Variants in PCDHGB3 observed in about 807,000 individuals in gnomAD.
PCDHGB3 encodes protocadherin gamma subfamily B, 3.
A neutral mutation model predicts 59.2 loss-of-function variants in PCDHGB3; 40 were observed. The ratio of observed to expected loss-of-function variants is 0.68; its 90% confidence interval spans 0.52 to 0.88. The LOEUF is 0.88. Ranked by LOEUF, PCDHGB3 falls within the 40% of genes least tolerant of loss-of-function variation. The pLI, the probability that PCDHGB3 is intolerant of heterozygous loss-of-function variation, is 0.00. For synonymous variants in PCDHGB3, 581 were observed against 503.6 expected (o/e 1.15, Z -2.06); for missense variants, 1,309 against 1,187.9 (o/e 1.10, Z -1.50).
chr5:141,373,270 G>A (rs1444168164), intron 1 of PCDHGB3, among the ~76,000 whole-genome samples: 3 of 152,194 alleles, frequency 2.0e-5, no homozygotes, highest in Non-Finnish European at 4.4e-5. Context: ...AGTATACACA[G>A]ATGTTGCCTA....
Position 141,375,597 on chromosome 5 carries a change from T to A in PCDHGB3, c.2415+2788T>A, listed in dbSNP as rs752006849. ...CAGGGGGCGCCCCTGTCCTCCTACG[T>A]GTCCATCAACTCCGACACTGGGATT... On this transcript the variant is annotated intron_variant, in intron 1 of 3. Transcript: ENST00000576222. The A allele has an allele frequency of 1.4e-5, 22 of 1,614,042 alleles. No homozygotes were observed. In the Middle Eastern group the frequency reaches 4.9e-4, roughly 36 times the overall value.
At chr5:141,390,146 T>C (rs2092063198) in intron 1 of PCDHGB3, 1 of 1,614,026 alleles carries the variant, frequency 6.2e-7, no homozygotes, top group Non-Finnish European at 8.5e-7. Context: ...ATCTATGTGT[T>C]GCACATACAG....
chr5:141,374,178 G>C (rs1268452204), intron 1 of PCDHGB3: 2 of 1,613,614 alleles, frequency 1.2e-6, no homozygotes, highest in East Asian at 2.2e-5. Flanking sequence ...GCGCAGATCC[G>C]CTACTCTATT....
rs371995922 is a variant in PCDHGB3 at position 141,395,132 on chromosome 5, C to T, written c.2415+22323C>T. ...AGAGTCACCTGATCTTTCCCCAGCC[C>T]AACTACGCAGACATGCTCATCAGTC... On this transcript the variant is annotated intron_variant, in intron 1 of 3. Transcript: ENST00000576222. 8.7e-6 allele frequency: 14 copies of T among 1,614,068 alleles called. No homozygotes were observed. The African/African-American group carries it at 1.6e-4, about 18-fold the overall frequency.
chr5:141,429,861 A>G (rs1483953460), intron 1 of PCDHGB3, among the ~76,000 whole-genome samples: 1 of 152,226 alleles, frequency 6.6e-6, no homozygotes, highest in Non-Finnish European at 1.5e-5. Flanking sequence ...TCTTTGGACT[A>G]CCAATTTTCT....
intron 1 of PCDHGB3, among the ~76,000 whole-genome samples, chr5:141,458,368 A>C (rs934670055): frequency 3.9e-5 from 6 of 152,112 alleles, no homozygotes; most frequent in Admixed American, 3.9e-4. Flanking sequence ...GAAGGAAGGG[A>C]GAAGAGAGAA....
intron 1 of PCDHGB3, among the ~76,000 whole-genome samples, chr5:141,455,393 C>G (rs574741955): frequency 6.4e-4 from 97 of 152,150 alleles, no homozygotes; most frequent in African/African-American, 2.2e-3. Flanking sequence ...GAAGGAGCTC[C>G]CCCTTACAGA....
At chr5:141,375,348 T>A in intron 1 of PCDHGB3, 1 of 1,613,870 alleles carries the variant, frequency 6.2e-7, no homozygotes, top group Non-Finnish European at 8.5e-7. Flanking sequence ...AACATCACTG[T>A]GACAGCCACG....
chr5:141,385,276 A>G (rs1315773619), intron 1 of PCDHGB3: 1 of 1,613,564 alleles, frequency 6.2e-7, no homozygotes, highest in Admixed American at 1.7e-5. Flanking sequence ...TTCTTTGCTA[A>G]CATCCGTAGA....
chr5:141,440,671 T>C (rs2098194169), intron 1 of PCDHGB3: 1 of 152,210 alleles, frequency 6.6e-6, no homozygotes, highest in African/African-American at 2.4e-5. Context: ...CAACTCTATA[T>C]TTCTCTTTGA....
At chr5:141,383,700 C>T (rs753632881) in intron 1 of PCDHGB3, 1 of 1,613,936 alleles carries the variant, frequency 6.2e-7, no homozygotes, top group East Asian at 2.2e-5. Flanking sequence ...TACATGCTAT[C>T]GACCTGGACG....
At chr5:141,392,809 C>T in intron 1 of PCDHGB3, 1 of 1,578,772 alleles carries the variant, frequency 6.3e-7, no homozygotes, top group African/African-American at 1.4e-5. Flanking sequence ...TGCAGCAAAA[C>T]AACAATGGCC....
chr5:141,404,736 A>G, intron 1 of PCDHGB3: 1 of 1,613,622 alleles, frequency 6.2e-7, no homozygotes, highest in Non-Finnish European at 8.5e-7. Context: ...GTGGCAGTGG[A>G]CAGAGACTCA....
At chr5:141,484,102 A>T (rs1404220648) in intron 1 of PCDHGB3, among the ~76,000 whole-genome samples, 1 of 152,206 alleles carries the variant, frequency 6.6e-6, no homozygotes, top group African/African-American at 2.4e-5. Flanking sequence ...GTTGGTAATT[A>T]ACAAAAGATC....
intron 1 of PCDHGB3, chr5:141,376,053 C>A (rs1453617614): frequency 6.2e-7 from 1 of 1,613,372 alleles, no homozygotes; most frequent in African/African-American, 1.3e-5. Flanking sequence ...CTCTCCGCCA[C>A]TGTCACGCTC....
At chr5:141,423,510 TGCGGACTC>T in intron 1 of PCDHGB3, 1 of 1,613,792 alleles carries the variant, frequency 6.2e-7, no homozygotes, top group South Asian at 1.1e-5. Context: ...TCTCTCTCAT[TGCGGACTC>T]GCAGAAGAGT....
At position 141,422,030 on chromosome 5, in the gene PCDHGB3, C is replaced by T. The variant is rs1404612424; in HGVS notation, c.2415+49221C>T. ...ACTCGGGTGCTGATGGTTAATGCAA[C>T]GGATCCAGACGAGGGAATCAACGGG... On this transcript the variant is annotated intron_variant, in intron 1 of 3. Coordinates refer to ENST00000576222, the MANE Select transcript of PCDHGB3 (RefSeq NM_018924.5). 3 of 1,609,592 alleles carry T rather than the reference C, an allele frequency of 1.9e-6. No homozygotes were observed. The South Asian group carries it at 3.3e-5, about 18-fold the overall frequency.
chr5:141,416,990 A>C (rs912916110), intron 1 of PCDHGB3: 20 of 151,946 alleles, frequency 1.3e-4, no homozygotes, highest in African/African-American at 4.1e-4. Flanking sequence ...ATTATTGTGC[A>C]TTCATCTCAA....
Position 141,372,579 on chromosome 5 carries a change from C to A in PCDHGB3, c.2185C>A (p.Pro729Thr). 1 of 1,614,048 alleles carries A rather than the reference C, an allele frequency of 6.2e-7. No homozygotes were observed. Among genetic ancestry groups the A allele is most frequent in the Non-Finnish European group, 8.5e-7 (1 of 1,179,902 alleles). Residue 729 changes from proline (P) to threonine (T), a missense_variant, in exon 1 of 4, where the codon CCT becomes ACT. Coordinates refer to ENST00000576222, the MANE Select transcript of PCDHGB3 (RefSeq NM_018924.5). Reference sequence around the variant, plus strand: ...ACCCGCCACTGAGGGCTACTTTCAGCCTGGTGTCTGCTTCAAGACTGTACC... The same window carrying A: ...ACCCGCCACTGAGGGCTACTTTCAGACTGGTGTCTGCTTCAAGACTGTACC... ...SRPATEGYFQ[P>T]GVCFKTVPGV...
Sources: gnomAD v4.1 joint callset for allele counts (sites outside exome capture counted in the v4.1 genomes callset) on GRCh38, gnomAD v4.1.1 for gene constraint, MANE v1.5 for transcripts, NCBI Gene and HGNC (gene_info 2026-07-23, HGNC 2026-07-21) for gene names.